CDC42BPB: variants seen among roughly 807,000 people sequenced by gnomAD.
CDC42BPB encodes the protein CDC42 binding protein kinase beta.
A neutral mutation model predicts 214.9 loss-of-function variants in CDC42BPB; 37 were observed. That is an observed-to-expected ratio of 0.17 (90% CI 0.13 to 0.23). CDC42BPB has a LOEUF of 0.23. CDC42BPB is among the 10% of genes least tolerant of loss of function. The pLI is 1.00. For synonymous variants in CDC42BPB, 931 were observed against 884.0 expected (o/e 1.05, Z -0.94); for missense variants, 1,694 against 2,227.0 (o/e 0.76, Z 4.82).
At chr14:103,037,487 C>T (rs1178256208) in intron 1 of CDC42BPB, among the ~76,000 whole-genome samples, 2 of 151,948 alleles carry the variant, frequency 1.3e-5, no homozygotes, top group South Asian at 4.2e-4. Context: ...AGAATCGGGG[C>T]CTTGCTATGT....
intron 7 of CDC42BPB, chr14:102,981,319 C>T (rs531924566): frequency 7.9e-6 from 3 of 377,770 alleles, no homozygotes; most frequent in Non-Finnish European, 3.6e-6. Context: ...GAGGGACAGG[C>T]GCAGCCCCGT....
chr14:103,021,192 G>A (rs1320286510), intron 1 of CDC42BPB, among the ~76,000 whole-genome samples: 1 of 152,214 alleles, frequency 6.6e-6, no homozygotes, highest in African/African-American at 2.4e-5. Flanking sequence ...CGCGTGCAGT[G>A]GCTCACACCT....
intron 9 of CDC42BPB, among the ~76,000 whole-genome samples, chr14:102,977,580 G>A (rs1210189471): frequency 6.6e-6 from 1 of 152,158 alleles, no homozygotes; most frequent in African/African-American, 2.4e-5. Context: ...TTTGGGACAG[G>A]GGCCCACAAC....
At position 102,934,123 on chromosome 14, in the gene CDC42BPB, G is replaced by C. The variant is rs1384738134; in HGVS notation, c.5005-280C>G. ...GTGAAGAAATCAGATGGGGCCGGAC[G>C]CAGTGGCTCCTGCCTGTAATCCCAG... is the stretch of plus-strand genomic sequence containing the variant. On this transcript the variant is annotated intron_variant, in intron 36 of 36. Coordinates refer to ENST00000361246, the MANE Select transcript of CDC42BPB (RefSeq NM_006035.4). The C allele has an allele frequency of 1.1e-5, 9 of 824,482 alleles. No individual in the cohort carries two copies. The East Asian group carries it at 5.2e-4, about 47-fold the overall frequency. 51.1% of individuals were successfully genotyped at this position (824,482 alleles called of 1,614,324 possible).
At chr14:102,968,219 C>T in intron 16 of CDC42BPB, 34 bp downstream of exon 16, 1 of 1,507,422 alleles carries the variant, frequency 6.6e-7, no homozygotes, top group Non-Finnish European at 9.2e-7. Flanking sequence ...AACTTCCACA[C>T]AAAGTGCTAA....
chr14:102,941,111 C>A (rs1187674539), intron 30 of CDC42BPB: 6 of 984,874 alleles, frequency 6.1e-6, no homozygotes, highest in Non-Finnish European at 7.2e-6. Flanking sequence ...GAGCGGTGTG[C>A]GTCTTCCGCT....
chr14:102,986,488 G>A lies in CDC42BPB; in HGVS notation c.689C>T (p.Thr230Ile). The A allele has an allele frequency of 6.2e-7, 1 of 1,611,116 alleles. No homozygotes were observed. Among genetic ancestry groups the A allele is most frequent in the Non-Finnish European group, 8.5e-7 (1 of 1,177,548 alleles). The change falls in exon 6 of 37, where the codon ACT (threonine) becomes ATT (isoleucine). Residue 230 changes from threonine to isoleucine, a missense_variant and splice_region_variant. Thr to Ile is a moderately conservative substitution (Grantham distance 89, BLOSUM62 -1). Around this residue, in one of 7 missense-constraint regions of CDC42BPB, gnomAD observed 225 missense variants for 459.3 expected, o/e 0.49. Transcript: ENST00000361246. Reference protein sequence around the residue: ...GSCLKMNDDGTVQSSVAVGTP... With the variant: ...GSCLKMNDDGIVQSSVAVGTP... Reference sequence around the variant, plus strand: ...AAAATCTCCAACAAAAATACCTACAGTGCCATCATCATTCATCTTCAAACA... The same window carrying A: ...AAAATCTCCAACAAAAATACCTACAATGCCATCATCATTCATCTTCAAACA...
At chr14:102,972,302 T>C (rs1248911093) in intron 12 of CDC42BPB, 141 bp from the exon 13 acceptor site, 27 of 1,491,050 alleles carry the variant, frequency 1.8e-5, no homozygotes, top group Non-Finnish European at 2.4e-5. Context: ...CTGAGCTGCT[T>C]GGAAAAAGAC....
chr14:103,030,245 T>G (rs947164111), intron 1 of CDC42BPB, among the ~76,000 whole-genome samples: 2 of 151,970 alleles, frequency 1.3e-5, no homozygotes, highest in African/African-American at 4.8e-5. Context: ...GCCAATGAGG[T>G]TGAAGGTGGA....
Position 102,952,485 on chromosome 14 carries a change from C to T in CDC42BPB, c.3172+13G>A. The T allele has an allele frequency of 1.3e-6, 2 of 1,579,380 alleles. No individual in the cohort carries two copies. The highest frequency in any genetic ancestry group is 2.2e-5 in the South Asian group (2 of 89,442). ...CTGTGCACGCTGACCCCAGGAGCTG[C>T]AACGACACTCACCCTCGCAGGCGTA... On this transcript the variant is annotated intron_variant, in intron 24 of 36. Coordinates refer to ENST00000361246, the MANE Select transcript of CDC42BPB (RefSeq NM_006035.4).
chr14:103,050,044 G>A (rs985384925), intron 1 of CDC42BPB, among the ~76,000 whole-genome samples: 7 of 152,190 alleles, frequency 4.6e-5, no homozygotes, highest in South Asian at 4.1e-4. Context: ...GATTAGATGC[G>A]TCTTTTGGGG....
Position 102,971,857 on chromosome 14 carries a change from C to T in CDC42BPB, c.1884+62G>A, listed in dbSNP as rs1822648806. 3 of 1,531,308 alleles carry T rather than the reference C, an allele frequency of 2.0e-6. No homozygotes were observed. In the African/African-American group the frequency reaches 4.1e-5, roughly 21 times the overall value. The allele number at this position is 1,531,308 out of a possible 1,614,324, so 94.9% of individuals were successfully genotyped here. ...GTAATGCAGCCCAAGATTTCAAAGA[C>T]GTTTTATAAAAGTCACACAAATGTC... On this transcript the variant is annotated intron_variant, in intron 13 of 36. Coordinates refer to ENST00000361246, the MANE Select transcript of CDC42BPB (RefSeq NM_006035.4).
intron 1 of CDC42BPB, among the ~76,000 whole-genome samples, chr14:103,030,142 C>T (rs534036965): frequency 4.6e-5 from 7 of 152,224 alleles, no homozygotes; most frequent in African/African-American, 7.2e-5. Context: ...AAGCGTGGAG[C>T]GGCCAGCCCG....
At chr14:103,038,758 C>T (rs921929190) in intron 1 of CDC42BPB, among the ~76,000 whole-genome samples, 67 of 148,528 alleles carry the variant, frequency 4.5e-4, no homozygotes, top group African/African-American at 1.6e-3. Context: ...AAGCTGGTCT[C>T]GAACTCCTGG....
At chr14:102,938,518 A>T in intron 34 of CDC42BPB, 107 bp from the exon 35 acceptor site, 4 of 1,450,982 alleles carry the variant, frequency 2.8e-6, no homozygotes, top group Non-Finnish European at 3.6e-6. Context: ...CTTGATGAGC[A>T]AAATGGGGGC....
chr14:102,985,472 T>C (rs1344459398), intron 6 of CDC42BPB, among the ~76,000 whole-genome samples: 1 of 152,226 alleles, frequency 6.6e-6, no homozygotes, highest in Non-Finnish European at 1.5e-5. Flanking sequence ...GGGTAACCCA[T>C]GTTCTGGTTC....
chr14:102,942,100 A>C (rs1891916959), intron 30 of CDC42BPB, among the ~76,000 whole-genome samples: 1 of 152,226 alleles, frequency 6.6e-6, no homozygotes, highest in Non-Finnish European at 1.5e-5. Context: ...TGTGGTTTTA[A>C]ACCCTGTGCT....
intron 1 of CDC42BPB, among the ~76,000 whole-genome samples, chr14:103,039,351 T>C (rs1317328898): frequency 3.4e-5 from 5 of 148,096 alleles, no homozygotes; most frequent in Admixed American, 6.7e-5. Context: ...ATTACCTTTA[T>C]GAATAGATGC....
At chr14:103,009,585 T>C (rs576233798) in intron 2 of CDC42BPB, among the ~76,000 whole-genome samples, 1 of 152,156 alleles carries the variant, frequency 6.6e-6, no homozygotes, top group East Asian at 1.9e-4. Flanking sequence ...ATTAAGTTTT[T>C]GGCAAAAAAG....
Sources: allele counts gnomAD v4.1 joint callset (sites outside exome capture counted in the v4.1 genomes callset), GRCh38; gene constraint gnomAD v4.1.1; regional missense constraint gnomAD v4.1.1; transcripts MANE v1.5; gene names NCBI Gene and HGNC (gene_info 2026-07-23, HGNC 2026-07-21).